ATP13A4: variants seen among roughly 807,000 people sequenced by gnomAD.
ATP13A4 encodes the protein probable cation-transporting ATPase 13A4.
ATP13A4 carries 114 observed loss-of-function variants against 142.5 expected under a neutral mutation model. The observed-to-expected ratio is 0.80, with a 90% confidence interval of 0.69 to 0.93. ATP13A4 has a LOEUF of 0.93. Among genes scored for constraint, ATP13A4 ranks in the 40% least tolerant of loss-of-function variants. The pLI is 0.00. For missense variants in ATP13A4, 1,392 were observed against 1,454.0 expected, an observed-to-expected ratio of 0.96 and a Z score of 0.69; for synonymous variants, 488 against 514.8, an observed-to-expected ratio of 0.95 and a Z score of 0.70.
chr3:193,448,972 G>GA (rs1198514229), intron 17 of ATP13A4, among the ~76,000 whole-genome samples: 8 of 151,180 alleles, frequency 5.3e-5, no homozygotes, highest in South Asian at 2.1e-4. Flanking sequence ...CACAAAGCAT[G>GA]AAAAAAAACG....
chr3:193,534,452 C>T (rs1722489275), intron 1 of ATP13A4, among the ~76,000 whole-genome samples: 1 of 151,546 alleles, frequency 6.6e-6, no homozygotes, highest in African/African-American at 2.4e-5. Context: ...TTTAAAGCAG[C>T]CATTATAAAA....
chr3:193,589,303 G>T (rs990768581), intron 1 of ATP13A4, among the ~76,000 whole-genome samples: 1 of 152,078 alleles, frequency 6.6e-6, no homozygotes. Flanking sequence ...TTTTCTGAGG[G>T]CTGGGGAGAG....
chr3:193,418,111 G>A (rs1392064525), intron 25 of ATP13A4, among the ~76,000 whole-genome samples: 15 of 87,494 alleles, frequency 1.7e-4, no homozygotes, highest in Admixed American at 5.7e-4. Context: ...GACAGAGCGA[G>A]ACTCCGTCTC....
chr3:193,440,317 G>T (rs1560188103), intron 21 of ATP13A4: 2 of 608,898 alleles, frequency 3.3e-6, no homozygotes, highest in Non-Finnish European at 5.3e-6. Flanking sequence ...ATGCAAAATT[G>T]ACTTAAGTGA....
chr3:193,473,055 T>G (rs1718713811), intron 8 of ATP13A4, among the ~76,000 whole-genome samples: 2 of 152,228 alleles, frequency 1.3e-5, no homozygotes, highest in Admixed American at 6.5e-5. Flanking sequence ...AAAGTTTGGT[T>G]TCTAAATTCC....
At chr3:193,577,276 T>C (rs1197417507) in intron 2 of ATP13A4, among the ~76,000 whole-genome samples, 1 of 152,244 alleles carries the variant, frequency 6.6e-6, no homozygotes, top group Non-Finnish European at 1.5e-5. Context: ...TCTGGACCTA[T>C]ATTCCAGTCG....
At chr3:193,514,958 G>A (rs1048688913) in intron 1 of ATP13A4, 87 bp from the exon 2 acceptor site, 6 of 1,460,914 alleles carry the variant, frequency 4.1e-6, no homozygotes, top group Non-Finnish European at 5.7e-6. Flanking sequence ...ATGGAAATGG[G>A]GGCAGAGTGA....
chr3:193,531,055 T>C (rs753468796), intron 1 of ATP13A4, among the ~76,000 whole-genome samples: 85 of 152,060 alleles, frequency 5.6e-4, no homozygotes, highest in Non-Finnish European at 1.0e-3. Context: ...GTTAAACTTC[T>C]ATTCATCCAT....
intron 3 of ATP13A4, among the ~76,000 whole-genome samples, chr3:193,498,596 C>A (rs1269035279): frequency 6.6e-6 from 1 of 152,220 alleles, no homozygotes; most frequent in Non-Finnish European, 1.5e-5. Context: ...AGACTGCTGT[C>A]TGGCCCCACC....
upstream of ATP13A4, among the ~76,000 whole-genome samples, chr3:193,557,709 A>C (rs1342708959): frequency 6.6e-6 from 1 of 152,236 alleles, no homozygotes; most frequent in African/African-American, 2.4e-5. Context: ...CCTCTTCTAC[A>C]CATTTATTTG....
chr3:193,504,160 A>AT (rs956090417), intron 2 of ATP13A4, among the ~76,000 whole-genome samples: 1 of 152,142 alleles, frequency 6.6e-6, no homozygotes. Context: ...TACACTGTGG[A>AT]TTTAAAAAAA....
At chr3:193,549,239 T>C (rs1450118822) in intron 1 of ATP13A4, among the ~76,000 whole-genome samples, 3 of 152,040 alleles carry the variant, frequency 2.0e-5, no homozygotes, top group African/African-American at 4.8e-5. Context: ...ATTCTAGGCC[T>C]TTACCTTAAG....
At chr3:193,490,002 A>G (rs1577016971) in intron 6 of ATP13A4, 138 bp from the exon 7 acceptor site, 10 of 994,112 alleles carry the variant, frequency 1.0e-5, no homozygotes, top group East Asian at 2.7e-5. Context: ...TCGGCAATTG[A>G]CACGTGCCAG....
intron 8 of ATP13A4, among the ~76,000 whole-genome samples, chr3:193,476,584 A>G (rs2108652666): frequency 6.6e-6 from 1 of 152,256 alleles, no homozygotes; most frequent in South Asian, 2.1e-4. Context: ...AACTGGTGCA[A>G]GAGTCCCAGC....
chr3:193,419,369 T>C (rs1384484786), intron 25 of ATP13A4, among the ~76,000 whole-genome samples: 1 of 150,184 alleles, frequency 6.7e-6, no homozygotes, highest in African/African-American at 2.5e-5. Flanking sequence ...GGCAAAGTGG[T>C]CCAACTACCC....
Position 193,421,243 on chromosome 3 carries a change from C to T in ATP13A4, c.2843-6493G>A, listed in dbSNP as rs780391037. ...ATTTCTCAGCAAAATCCCTGCAGGA[C>T]GGGAGAGAGTGAGATGATATATTCA... is the stretch of plus-strand genomic sequence containing the variant. On this transcript the variant is annotated intron_variant, in intron 25 of 29. Transcript: ENST00000342695. Among the ~76,000 whole-genome samples, 32 of 149,528 alleles carry T rather than the reference C, an allele frequency of 2.1e-4. 4 individuals carry two copies. In the East Asian group the frequency reaches 3.8e-3, roughly 18 times the overall value.
chr3:193,502,563 G>A lies in ATP13A4; in HGVS notation c.311C>T (p.Thr104Ile), dbSNP rs200304634. The change falls in exon 3 of 30, where the codon ACT (threonine) becomes ATT (isoleucine). Residue 104 changes from threonine to isoleucine, a missense_variant. Transcript: ENST00000342695. ...LSALNSAFGL[T>I]PDHPLMTDEE... ...ATCTGTCATGAGAGGGTGGTCAGGA[G>A]TGAGACCAAATGCGCTGTTTAATGC... 4.1e-5 allele frequency: 66 copies of A among 1,613,550 alleles called. No individual in the cohort carries two copies. Among genetic ancestry groups the A allele is most frequent in the African/African-American group, 1.3e-5 (1 of 74,884 alleles).
At chr3:193,565,249 T>C (rs1030116841) in intron 2 of ATP13A4, among the ~76,000 whole-genome samples, 1 of 152,200 alleles carries the variant, frequency 6.6e-6, no homozygotes, top group South Asian at 2.1e-4. Context: ...ACAAATTATT[T>C]AACCTTTAAT....
intron 11 of ATP13A4, among the ~76,000 whole-genome samples, chr3:193,465,797 T>C (rs1218062206): frequency 6.6e-6 from 1 of 152,222 alleles, no homozygotes; most frequent in Non-Finnish European, 1.5e-5. Flanking sequence ...TACACTGATA[T>C]ATCAATAAAC....
Sources: gnomAD v4.1 joint callset for allele counts (sites outside exome capture counted in the v4.1 genomes callset) on GRCh38, gnomAD v4.1.1 for gene constraint, MANE v1.5 for transcripts, NCBI Gene and HGNC (gene_info 2026-07-23, HGNC 2026-07-21) for gene names.